Variants in PALM2AKAP2 observed in about 807,000 individuals in gnomAD.
PALM2AKAP2 encodes the protein PALM2-AKAP2 fusion protein.
Under a neutral mutation model 71.5 loss-of-function variants are expected in PALM2AKAP2, and 37 were observed. The ratio of observed to expected loss-of-function variants is 0.52; its 90% CI spans 0.40 to 0.68. The LOEUF (loss-of-function observed/expected upper bound fraction) is 0.68. PALM2AKAP2 is among the 30% of genes least tolerant of loss of function. PALM2AKAP2 has a pLI of 0.00. For missense variants in PALM2AKAP2, 1,224 were observed against 1,191.8 expected (o/e 1.03, Z -0.40); for synonymous variants, 468 against 478.8 (o/e 0.98, Z 0.29).
At chr9:109,941,856 A>G (rs774069582) in intron 6 of PALM2AKAP2, among the ~76,000 whole-genome samples, 20 of 152,220 alleles carry the variant, frequency 1.3e-4, no homozygotes, top group Non-Finnish European at 2.5e-4. Flanking sequence ...CCAACAATCT[A>G]GGGAAGAGGA....
intron 1 of PALM2AKAP2, among the ~76,000 whole-genome samples, chr9:109,731,995 G>A (rs1212161988): frequency 2.0e-5 from 3 of 152,188 alleles, no homozygotes; most frequent in Admixed American, 6.5e-5. Context: ...TTTCAGCCAG[G>A]TCTGCGATTT....
chr9:110,137,509 T>C lies in PALM2AKAP2; in HGVS notation c.1539T>C (p.Arg513=). Residue 513 remains arginine (R), a synonymous_variant, in exon 2 of 4, where the codon CGT becomes CGC. Coordinates refer to ENST00000374525, the Ensembl canonical transcript of PALM2AKAP2. ...GGCCCTACAGCGAGCCTTCTAAACGTGGGCCCTTATCTAAACTGTGGGCTG... is the reference window on the plus strand; with the variant it reads ...GGCCCTACAGCGAGCCTTCTAAACGCGGGCCCTTATCTAAACTGTGGGCTG... The C allele has an allele frequency of 6.2e-7, 1 of 1,614,154 alleles. No homozygotes were observed. The highest frequency in any genetic ancestry group is 8.5e-7 in the Non-Finnish European group (1 of 1,180,030).
upstream of PALM2AKAP2, among the ~76,000 whole-genome samples, chr9:109,775,599 G>A (rs1296396859): frequency 2.6e-5 from 4 of 152,114 alleles, no homozygotes; most frequent in Admixed American, 1.3e-4. Context: ...AAGATCCCAG[G>A]CAAAAAAGAA....
intron 1 of PALM2AKAP2, among the ~76,000 whole-genome samples, chr9:109,668,528 G>T (rs1400413177): frequency 9.9e-5 from 15 of 152,178 alleles, no homozygotes; most frequent in Admixed American, 9.8e-4. Context: ...CATATGTATT[G>T]GGAGATTAAT....
chr9:109,959,161 C>T (rs1487552247), intron 6 of PALM2AKAP2, among the ~76,000 whole-genome samples: 1 of 152,172 alleles, frequency 6.6e-6, no homozygotes, highest in Non-Finnish European at 1.5e-5. Flanking sequence ...CTTCTCTCCA[C>T]AGACAATGTT....
At chr9:109,798,764 A>G (rs564603694) in intron 1 of PALM2AKAP2, among the ~76,000 whole-genome samples, 1 of 152,404 alleles carries the variant, frequency 6.6e-6, no homozygotes, top group East Asian at 1.9e-4. Flanking sequence ...TAGAGTTTAC[A>G]GAATTCTCTC....
intron 6 of PALM2AKAP2, among the ~76,000 whole-genome samples, chr9:110,010,797 C>T (rs1048064730): frequency 5.4e-5 from 8 of 147,974 alleles, no homozygotes; most frequent in Admixed American, 1.3e-4. Flanking sequence ...GTCAAGAGTT[C>T]GAGACCAGCC....
chr9:109,683,916 C>T (rs1827773739), intron 1 of PALM2AKAP2, among the ~76,000 whole-genome samples: 1 of 151,578 alleles, frequency 6.6e-6, no homozygotes, highest in East Asian at 1.9e-4. Flanking sequence ...TGATAATGAT[C>T]CCCATTTTAC....
chr9:109,664,017 T>C, intron 1 of PALM2AKAP2, among the ~76,000 whole-genome samples: 1 of 151,726 alleles, frequency 6.6e-6, no homozygotes, highest in South Asian at 2.1e-4. Context: ...AACCCCTGCC[T>C]TTTTTTTGTT....
chr9:109,901,815 A>G (rs1830336676), intron 3 of PALM2AKAP2, among the ~76,000 whole-genome samples: 1 of 152,212 alleles, frequency 6.6e-6, no homozygotes, highest in African/African-American at 2.4e-5. Context: ...ACAATCTACC[A>G]ATAGAGGATG....
intron 5 of PALM2AKAP2, among the ~76,000 whole-genome samples, chr9:109,929,863 C>CAA (rs58029417): frequency 2.4e-3 from 168 of 68,924 alleles, no homozygotes; most frequent in Non-Finnish European, 3.2e-3. Flanking sequence ...GACTCCATTT[C>CAA]AAAAAAAAAA....
At chr9:109,969,152 G>T (rs1250391075) in intron 6 of PALM2AKAP2, among the ~76,000 whole-genome samples, 1 of 151,446 alleles carries the variant, frequency 6.6e-6, no homozygotes, top group African/African-American at 2.4e-5. Flanking sequence ...GGACATTTCA[G>T]CTGACATCTG....
At chr9:109,738,457 T>G (rs1329861779) in intron 1 of PALM2AKAP2, among the ~76,000 whole-genome samples, 1 of 152,194 alleles carries the variant, frequency 6.6e-6, no homozygotes, top group Non-Finnish European at 1.5e-5. Flanking sequence ...CTACAAAAAG[T>G]TACTAGAACC....
At chr9:109,684,388 C>T (rs188216477) in intron 1 of PALM2AKAP2, among the ~76,000 whole-genome samples, 16 of 152,238 alleles carry the variant, frequency 1.1e-4, no homozygotes, top group Admixed American at 4.6e-4. Context: ...AGAGTGTTTT[C>T]AATAGAACAG....
chr9:109,917,325 C>T (rs953398650), intron 3 of PALM2AKAP2, among the ~76,000 whole-genome samples: 2 of 152,062 alleles, frequency 1.3e-5, no homozygotes, highest in African/African-American at 4.8e-5. Context: ...TTCTGACATA[C>T]AGAAATATAA....
chr9:109,655,331 G>A (rs1473183868), intron 1 of PALM2AKAP2, among the ~76,000 whole-genome samples: 1 of 150,880 alleles, frequency 6.6e-6, no homozygotes. Flanking sequence ...TTGCTCAAGG[G>A]CAGCCATAGG....
At chr9:109,844,931 A>ATGTGTGTGTGTGTG (rs71373945) in intron 1 of PALM2AKAP2, among the ~76,000 whole-genome samples, 2,553 of 149,370 alleles carry the variant, frequency 0.017, 47 homozygotes, top group African/African-American at 0.044. Flanking sequence ...CCAGAAAATG[A>ATGTGTGTGTGTGTG]TGTGTGTGTG....
chr9:109,882,816 AT>A (rs1265305215), intron 3 of PALM2AKAP2, among the ~76,000 whole-genome samples: 1,441 of 143,492 alleles, frequency 0.01, 12 homozygotes, highest in Non-Finnish European at 0.011. Flanking sequence ...CATTATTATT[AT>A]TTTTTTTTTT....
At chr9:109,845,364 G>C (rs1317486640) in intron 1 of PALM2AKAP2, among the ~76,000 whole-genome samples, 1 of 152,216 alleles carries the variant, frequency 6.6e-6, no homozygotes, top group African/African-American at 2.4e-5. Context: ...ATGGCTCTGA[G>C]GTGGCCACAA....
Sources: gnomAD v4.1 joint callset for allele counts (sites outside exome capture counted in the v4.1 genomes callset) on GRCh38, gnomAD v4.1.1 for gene constraint, MANE v1.5 for transcripts, NCBI Gene and HGNC (gene_info 2026-07-23, HGNC 2026-07-21) for gene names.